Variants in HEMK2 observed in about 807,000 individuals in gnomAD.
HEMK2 encodes HemK methyltransferase 2, ETF1 glutamine and histone H4 lysine.
At chr21:28,841,281 ATAT>A in the HEMK2 span, among the ~76,000 whole-genome samples, 6 of 6,620 alleles carry the variant, frequency 9.1e-4, 1 homozygote, top group East Asian at 0.067. Context: ...TATATATTAT[ATAT>A]AATATATATT....
At chr21:28,815,299 G>A in the HEMK2 span, among the ~76,000 whole-genome samples, 1 of 151,648 alleles carries the variant, frequency 6.6e-6, no homozygotes, top group Non-Finnish European at 1.5e-5. Flanking sequence ...GTTAATGGGT[G>A]CAGCACACTA....
the HEMK2 span, among the ~76,000 whole-genome samples, chr21:28,644,381 G>A: frequency 1.3e-5 from 2 of 152,090 alleles, no homozygotes; most frequent in African/African-American, 4.8e-5. Flanking sequence ...GGATTATGGG[G>A]ATCACAATTC....
At chr21:28,741,839 T>C in the HEMK2 span, among the ~76,000 whole-genome samples, 1 of 152,204 alleles carries the variant, frequency 6.6e-6, no homozygotes, top group East Asian at 1.9e-4. Flanking sequence ...TCTTTGCTAT[T>C]GTAAATAGTG....
chr21:28,591,236 T>G, the HEMK2 span, among the ~76,000 whole-genome samples: 1 of 152,200 alleles, frequency 6.6e-6, no homozygotes, highest in African/African-American at 2.4e-5. Flanking sequence ...AACACTTTCT[T>G]GAGCAGCAGG....
the HEMK2 span, among the ~76,000 whole-genome samples, chr21:28,645,530 A>C: frequency 9.5e-3 from 1,447 of 152,318 alleles, 21 homozygotes; most frequent in African/African-American, 0.033. Context: ...ATGGTCCCCT[A>C]AATTTCTGCA....
chr21:28,798,993 T>C, the HEMK2 span, among the ~76,000 whole-genome samples: 1 of 152,206 alleles, frequency 6.6e-6, no homozygotes. Context: ...TTGAGTGCTG[T>C]CCTAAGAATG....
chr21:28,718,063 A>T, the HEMK2 span, among the ~76,000 whole-genome samples: 2 of 152,176 alleles, frequency 1.3e-5, no homozygotes, highest in Non-Finnish European at 2.9e-5. Context: ...GGCATTTAGT[A>T]CTATAAATTT....
chr21:28,825,453 A>G, the HEMK2 span, among the ~76,000 whole-genome samples: 1 of 152,224 alleles, frequency 6.6e-6, no homozygotes, highest in Non-Finnish European at 1.5e-5. Flanking sequence ...CTAGCAGGCC[A>G]CATTAGGCAG....
chr21:28,716,661 C>A, the HEMK2 span, among the ~76,000 whole-genome samples: 1 of 151,564 alleles, frequency 6.6e-6, no homozygotes, highest in Non-Finnish European at 1.5e-5. Context: ...CGGTACTATG[C>A]AGCAAAACTA....
At chr21:28,665,371 CT>C in the HEMK2 span, among the ~76,000 whole-genome samples, 171 of 15,896 alleles carry the variant, frequency 0.011, 1 homozygote, top group African/African-American at 0.033. Flanking sequence ...TTTTAATTTT[CT>C]TTTTTTTTTT....
chr21:28,752,403 G>A, the HEMK2 span, among the ~76,000 whole-genome samples: 31 of 152,304 alleles, frequency 2.0e-4, no homozygotes, highest in South Asian at 2.9e-3. Flanking sequence ...CTTCTAAGAC[G>A]TTTCTAATCA....
chr21:28,669,612 G>A, the HEMK2 span, among the ~76,000 whole-genome samples: 1 of 152,162 alleles, frequency 6.6e-6, no homozygotes, highest in Non-Finnish European at 1.5e-5. Context: ...CCTGGTAGCT[G>A]CTGCCAGTCC....
the HEMK2 span, among the ~76,000 whole-genome samples, chr21:28,696,381 G>A: frequency 6.6e-6 from 1 of 152,196 alleles, no homozygotes; most frequent in Non-Finnish European, 1.5e-5. Flanking sequence ...AAATTCAACA[G>A]GGCAGTCTTT....
the HEMK2 span, among the ~76,000 whole-genome samples, chr21:28,825,348 G>A: frequency 6.6e-6 from 1 of 152,154 alleles, no homozygotes; most frequent in Non-Finnish European, 1.5e-5. Flanking sequence ...TTGGTCCCAG[G>A]ATCACGCCTT....
At chr21:28,696,642 C>G in the HEMK2 span, among the ~76,000 whole-genome samples, 1 of 152,168 alleles carries the variant, frequency 6.6e-6, no homozygotes, top group Non-Finnish European at 1.5e-5. Context: ...CTCCTCTAAG[C>G]AGTGTCCCAG....
the HEMK2 span, among the ~76,000 whole-genome samples, chr21:28,699,483 T>C: frequency 7.9e-5 from 12 of 152,226 alleles, no homozygotes; most frequent in African/African-American, 2.9e-4. Flanking sequence ...GAGTTTGAAT[T>C]ATTTTAGGAG....
At chr21:28,867,384 T>C in the HEMK2 span, among the ~76,000 whole-genome samples, 1 of 152,076 alleles carries the variant, frequency 6.6e-6, no homozygotes, top group African/African-American at 2.4e-5. Context: ...TTTTATAATC[T>C]ATAAAAAAAT....
chr21:28,615,338 C>T, the HEMK2 span, among the ~76,000 whole-genome samples: 6 of 151,772 alleles, frequency 4.0e-5, no homozygotes, highest in Non-Finnish European at 5.9e-5. Flanking sequence ...CCCTTTTCCC[C>T]CTCCTCCTCT....
the HEMK2 span, among the ~76,000 whole-genome samples, chr21:28,702,535 G>A: frequency 6.6e-6 from 1 of 152,042 alleles, no homozygotes; most frequent in Non-Finnish European, 1.5e-5. Flanking sequence ...AGACACACAC[G>A]CAGCCAACAA....
Sources: gnomAD v4.1 joint callset for allele counts (sites outside exome capture counted in the v4.1 genomes callset) on GRCh38, gnomAD v4.1.1 for gene constraint, MANE v1.5 for transcripts, NCBI Gene and HGNC (gene_info 2026-07-23, HGNC 2026-07-21) for gene names.